The following IGSF22 variants were observed in gnomAD, a reference collection of about 807,000 sequenced individuals.
IGSF22 encodes the protein immunoglobulin superfamily member 22.
IGSF22 carries 119 observed loss-of-function variants against 127.0 expected under a neutral mutation model. The ratio of observed to expected loss-of-function variants is 0.94; its 90% CI spans 0.81 to 1.09. The LOEUF (loss-of-function observed/expected upper bound fraction) is 1.09. IGSF22 is among the 50% of genes least tolerant of loss of function. The pLI is 0.00. For missense variants in IGSF22, 1,518 were observed against 1,716.6 expected (o/e 0.88, Z 2.04); for synonymous variants, 568 against 664.7 (o/e 0.85, Z 2.24).
At chr11:18,710,863 G>A (rs1431097487) in intron 15 of IGSF22, 35 bp from the exon 16 acceptor site, 11 of 1,581,938 alleles carry the variant, frequency 7.0e-6, no homozygotes, top group Non-Finnish European at 8.7e-6. Context: ...AGGTTAGGAG[G>A]GGGAGCATGT....
At chr11:18,715,410 G>A in intron 11 of IGSF22, 22 bp downstream of exon 11, 1 of 1,596,120 alleles carries the variant, frequency 6.3e-7, no homozygotes, top group Non-Finnish European at 8.5e-7. Context: ...TGGTCAGTGG[G>A]GATTGATAGG....
intron 14 of IGSF22, 48 bp downstream of exon 14, chr11:18,713,804 C>T: frequency 6.9e-7 from 1 of 1,447,642 alleles, no homozygotes; most frequent in Non-Finnish European, 9.4e-7. Context: ...TGAGTCTGGG[C>T]AGCAGGTGCC....
At chr11:18,711,520 C>G (rs1230455589) in intron 15 of IGSF22, among the ~76,000 whole-genome samples, 1 of 152,180 alleles carries the variant, frequency 6.6e-6, no homozygotes, top group Non-Finnish European at 1.5e-5. Context: ...GCCTCAACCT[C>G]CCGAGTAGCC....
At chr11:18,720,354 G>A in intron 4 of IGSF22, 69 bp from the exon 5 acceptor site, 1 of 1,231,518 alleles carries the variant, frequency 8.1e-7, no homozygotes, top group Middle Eastern at 2.3e-4. Context: ...GTCAGATAAG[G>A]TAGGAGGCCT....
At chr11:18,705,706 T>C in intron 22 of IGSF22, 111 bp downstream of exon 22, 1 of 889,068 alleles carries the variant, frequency 1.1e-6, no homozygotes, top group East Asian at 2.7e-5. Context: ...GCACCACCTG[T>C]TGGCAGTCAG....
At chr11:18,719,682 G>C in intron 7 of IGSF22, 34 bp downstream of exon 7, 1 of 1,599,576 alleles carries the variant, frequency 6.3e-7, no homozygotes, top group Admixed American at 1.7e-5. Context: ...CCTGCCCCTA[G>C]CCTGCAGGCC....
intron 7 of IGSF22, among the ~76,000 whole-genome samples, chr11:18,719,363 C>T (rs1848525456): frequency 6.8e-6 from 1 of 147,600 alleles, no homozygotes; most frequent in Admixed American, 6.9e-5. Context: ...GACAGGGTTT[C>T]ATCATGTTGG....
chr11:18,721,387 C>T, intron 4 of IGSF22, 148 bp downstream of exon 4: 2 of 1,062,106 alleles, frequency 1.9e-6, no homozygotes, highest in Non-Finnish European at 2.8e-6. Context: ...TATCCTGCCG[C>T]GCCTCTCGGG....
intron 4 of IGSF22, among the ~76,000 whole-genome samples, chr11:18,721,292 T>C (rs1044882804): frequency 4.6e-5 from 7 of 152,220 alleles, no homozygotes; most frequent in Admixed American, 1.3e-4. Flanking sequence ...ACGTTCTGGC[T>C]CTGCCCCTGC....
At chr11:18,708,743 G>A (rs767426377) in intron 18 of IGSF22, among the ~76,000 whole-genome samples, 5 of 152,190 alleles carry the variant, frequency 3.3e-5, no homozygotes, top group African/African-American at 7.2e-5. Context: ...TCACCTTTGC[G>A]AAGCTAATGA....
In IGSF22 at chr11:18,717,992, A is replaced by T. The variant is rs1473796892; in HGVS notation, c.912T>A (p.Asp304Glu). ...CCACGGACAGGCTGTAGATGCCAGCATCGTTCATGTTCACGTTGCTAATAA... is the reference window on the plus strand; with the variant it reads ...CCACGGACAGGCTGTAGATGCCAGCTTCGTTCATGTTCACGTTGCTAATAA... ...MLVISNVNMN[D>E]AGIYSLSVGD... The change falls in exon 9 of 23, where the codon GAT becomes GAA. Residue 304 changes from aspartate to glutamate, a missense_variant. Transcript: ENST00000513874. The T allele has an allele frequency of 1.2e-6, 2 of 1,614,108 alleles. No individual in the cohort carries two copies. The highest frequency in any genetic ancestry group is 2.7e-5 in the African/African-American group (2 of 74,928).
At chr11:18,713,144 G>A (rs1446135549) in intron 14 of IGSF22, among the ~76,000 whole-genome samples, 3 of 132,964 alleles carry the variant, frequency 2.3e-5, no homozygotes, top group African/African-American at 8.5e-5. Flanking sequence ...CTTTTTTGTT[G>A]TTGTTTCTTT....
chr11:18,706,658 G>A lies in IGSF22; in HGVS notation c.3580+256C>T, dbSNP rs1848241149. 6.9e-6 allele frequency: 3 copies of A among 432,800 alleles called. No homozygotes were observed. The South Asian group carries it at 1.4e-4, about 21-fold the overall frequency. 26.8% of individuals were successfully genotyped at this position (432,800 alleles called of 1,614,324 possible). ...TCCCCTCAGAGCAGAACGCGTTTGC[G>A]CTCTATGTCCCTCCGCAGCCCCTCC... On this transcript the variant is annotated intron_variant, in intron 21 of 22. Coordinates refer to ENST00000513874, the MANE Select transcript of IGSF22 (RefSeq NM_173588.4).
At position 18,710,407 on chromosome 11, in the gene IGSF22, A is replaced by G. The variant is rs560314104; in HGVS notation, c.2621T>C (p.Phe874Ser). 1 of 1,614,170 alleles carries G rather than the reference A, an allele frequency of 6.2e-7. No individual in the cohort carries two copies. The highest frequency in any genetic ancestry group is 1.3e-5 in the African/African-American group (1 of 75,034). Residue 874 changes from phenylalanine to serine, a missense_variant, in exon 17 of 23, where the codon TTC (phenylalanine) becomes TCC (serine). By Grantham distance (155) the Phe-to-Ser change is radical. Around this residue, in one of 3 missense-constraint regions of IGSF22, gnomAD observed 1,456 missense variants for 1,644.9 expected, o/e 0.89. Coordinates refer to ENST00000513874, the MANE Select transcript of IGSF22 (RefSeq NM_173588.4). ...TGCCTTATTTACAGCTATAACTCGG[A>G]ATTCATATTCTGTGTCCTCCAGGAG... Reference protein sequence around the residue: ...DGLLEDTEYEFRVIAVNKAGP... With the variant: ...DGLLEDTEYESRVIAVNKAGP...
chr11:18,712,152 G>C lies in IGSF22; in HGVS notation c.2328C>G (p.Ile776Met). The change falls in exon 15 of 23, where the codon ATC becomes ATG. Residue 776 changes from isoleucine (I) to methionine (M), a missense_variant. Around this residue, in one of 3 missense-constraint regions of IGSF22, gnomAD observed 1,456 missense variants for 1,644.9 expected, o/e 0.89. Transcript: ENST00000513874. ...VEEGKAYQFR[I>M]LAVNSEGVSD... ...TCACACCTTCTGAATTGACTGCCAG[G>C]ATACGGAACTGGTAGGCTTTTCCCT... 1 of 1,551,724 alleles carries C rather than the reference G, an allele frequency of 6.4e-7. No homozygotes were observed. The highest frequency in any genetic ancestry group is 8.7e-7 in the Non-Finnish European group (1 of 1,147,004).
In IGSF22 at chr11:18,719,715, C is replaced by T. The variant is rs758576090; in HGVS notation, c.696+1G>A. On this transcript the variant is annotated splice_donor_variant, in intron 7 of 22. Transcript: ENST00000513874. LOFTEE classifies it high-confidence loss of function. ...GCCCCTGCTCCCTGCAGGGTACTTA[C>T]CTCCACCTCTACTTTCTTCTTCATC... is the stretch of plus-strand genomic sequence containing the variant. 4.1e-5 allele frequency: 66 copies of T among 1,613,884 alleles called. No individual in the cohort carries two copies. Among genetic ancestry groups the T allele is most frequent in the Middle Eastern group, 3.3e-4 (2 of 6,080 alleles).
intron 21 of IGSF22, 50 bp downstream of exon 21, chr11:18,706,864 C>T: frequency 7.1e-7 from 1 of 1,399,344 alleles, no homozygotes; most frequent in Non-Finnish European, 9.5e-7. Flanking sequence ...TATGTCATCC[C>T]CACCATCAGG....
At position 18,707,179 on chromosome 11, in the gene IGSF22, A is replaced by T; in HGVS notation, c.3315T>A (p.Phe1105Leu). Reference sequence around the variant, plus strand: ...GAGTCACTGTGTTGGGGACTTCCTCAAACAACCGTAGGTTTGTGGGGGGCC... The same window carrying T: ...GAGTCACTGTGTTGGGGACTTCCTCTAACAACCGTAGGTTTGTGGGGGGCC... ...FPRPPTNLRL[F>L]EEVPNTVTLT... is the part of the protein sequence containing the mutation. Residue 1105 changes from phenylalanine (F) to leucine (L), a missense_variant, in exon 21 of 23, where the codon TTT becomes TTA. By Grantham distance (22) the Phe-to-Leu change is conservative. Coordinates refer to ENST00000513874, the MANE Select transcript of IGSF22 (RefSeq NM_173588.4). 1 of 1,546,074 alleles carries T rather than the reference A, an allele frequency of 6.5e-7. No individual in the cohort carries two copies. The highest frequency in any genetic ancestry group is 1.4e-5 in the African/African-American group (1 of 73,068).
At chr11:18,725,430 C>A (rs1413514991) in intron 1 of IGSF22, among the ~76,000 whole-genome samples, 2 of 151,944 alleles carry the variant, frequency 1.3e-5, no homozygotes, top group African/African-American at 2.4e-5. Flanking sequence ...ATGTGGCCAG[C>A]ATTGCAGTTT....
Sources: allele counts gnomAD v4.1 joint callset (sites outside exome capture counted in the v4.1 genomes callset), GRCh38; gene constraint gnomAD v4.1.1; regional missense constraint gnomAD v4.1.1; transcripts MANE v1.5; gene names NCBI Gene and HGNC (gene_info 2026-07-23, HGNC 2026-07-21).